Variants in DPH6 observed in about 807,000 individuals in gnomAD.
DPH6 encodes the protein diphthine--ammonia ligase.
Under a neutral mutation model 38.2 loss-of-function variants are expected in DPH6, and 33 were observed. The observed-to-expected ratio is 0.86, with a 90% CI of 0.65 to 1.15. The LOEUF (loss-of-function observed/expected upper bound fraction) is 1.15, where lower values mean the gene tolerates loss of function less well. Among genes scored for constraint, DPH6 ranks in the 50% most tolerant of loss-of-function variants. DPH6 has a pLI of 0.00. For missense variants in DPH6, 325 were observed against 320.0 expected (o/e 1.02, Z -0.12); for synonymous variants, 108 against 103.0 (o/e 1.05, Z -0.30).
At chr15:35,373,485 T>C (rs1420384907) in intron 8 of DPH6, 36 bp downstream of exon 8, 1 of 1,560,566 alleles carries the variant, frequency 6.4e-7, no homozygotes, top group Non-Finnish European at 8.7e-7. Context: ...ATCTCAAATT[T>C]CTATTGAAAT....
chr15:35,283,460 C>T (rs940303228), intron 3 of DPH6, among the ~76,000 whole-genome samples: 1 of 151,954 alleles, frequency 6.6e-6, no homozygotes. Context: ...CCATGCCCAG[C>T]TAACTTTTTG....
chr15:35,205,365 G>A, the DPH6 span, among the ~76,000 whole-genome samples: 1 of 151,902 alleles, frequency 6.6e-6, no homozygotes, highest in Non-Finnish European at 1.5e-5. Flanking sequence ...AAACACAACT[G>A]CTGTTATTTT....
At chr15:35,544,546 T>C (rs188241874) in intron 1 of DPH6, among the ~76,000 whole-genome samples, 24 of 152,286 alleles carry the variant, frequency 1.6e-4, no homozygotes, top group African/African-American at 5.5e-4. Context: ...TAGAAAGATA[T>C]GTAAGAATCC....
chr15:35,251,014 GAGA>G (rs886680325), intron 3 of DPH6, among the ~76,000 whole-genome samples: 1 of 152,132 alleles, frequency 6.6e-6, no homozygotes, highest in Non-Finnish European at 1.5e-5. Flanking sequence ...AGTCTCCCTT[GAGA>G]AGAAGGTCAT....
intron 5 of DPH6, among the ~76,000 whole-genome samples, chr15:35,447,760 C>A (rs1595373768): frequency 6.6e-6 from 1 of 151,942 alleles, no homozygotes; most frequent in African/African-American, 2.4e-5. Context: ...GTATGTGCAA[C>A]TTTAAACTCG....
intron 3 of DPH6, among the ~76,000 whole-genome samples, chr15:35,245,236 T>A (rs2051628360): frequency 9.7e-6 from 1 of 102,996 alleles, no homozygotes; most frequent in East Asian, 2.1e-4. Flanking sequence ...TTCTTGCTTT[T>A]TTTTTTTTTT....
At chr15:35,388,579 T>C (rs184357229) in intron 6 of DPH6, among the ~76,000 whole-genome samples, 1 of 152,202 alleles carries the variant, frequency 6.6e-6, no homozygotes, top group Non-Finnish European at 1.5e-5. Context: ...GAAGAGTGTA[T>C]GTGTCCAGGA....
chr15:35,256,305 G>A (rs1419317167), intron 3 of DPH6, among the ~76,000 whole-genome samples: 1 of 152,004 alleles, frequency 6.6e-6, no homozygotes, highest in South Asian at 2.1e-4. Context: ...CTCCTTTGAC[G>A]GTGACTGTTT....
chr15:35,298,937 G>T lies in DPH6; in HGVS notation n.200+74584C>A, dbSNP rs1195746881. 3.8e-6 allele frequency: 3 copies of T among 790,838 alleles called. No individual in the cohort carries two copies. The East Asian group carries it at 7.3e-5, about 19-fold the overall frequency. 49.0% of individuals were successfully genotyped at this position (790,838 alleles called of 1,614,324 possible). A position where few individuals can be genotyped will look rare whatever the true frequency, so the allele number is the denominator to read the frequency against. ...AAGTGGGTGAGGCAATGGCAGCTCC[G>T]CCCATACTTGTTTTCCTCTTCTCTC... On this transcript the variant is annotated intron_variant and non_coding_transcript_variant, in intron 3 of 3. Transcript: ENST00000560386.
Position 35,543,503 on chromosome 15 carries a change from T to G in DPH6, c.24-996A>C, listed in dbSNP as rs79275849. On this transcript the variant is annotated intron_variant, in intron 1 of 8. Transcript: ENST00000256538. The stretch of plus-strand genomic sequence containing the variant: ...CCTAATTCCCACTATCATTTATCAT[T>G]GCCTCTCTCCCTTTTACATTTCTTT... Among the ~76,000 whole-genome samples, 456 of 152,094 alleles carry G rather than the reference T, an allele frequency of 3.0e-3. 3 individuals are homozygous for G. The East Asian group carries it at 0.032, about 11-fold the overall frequency.
chr15:35,413,124 C>T (rs2053390063), intron 5 of DPH6, among the ~76,000 whole-genome samples: 1 of 151,608 alleles, frequency 6.6e-6, no homozygotes, highest in Non-Finnish European at 1.5e-5. Context: ...TCTTAATTTG[C>T]TGTGAACCTA....
the DPH6 span, among the ~76,000 whole-genome samples, chr15:35,177,600 A>AAAATCATCATC: frequency 1.0e-4 from 14 of 134,466 alleles, no homozygotes; most frequent in African/African-American, 3.9e-4. Context: ...AAAAAAAAAA[A>AAAATCATCATC]ATCATCATCA....
chr15:35,379,925 C>T (rs551986777), intron 7 of DPH6, among the ~76,000 whole-genome samples: 2 of 150,998 alleles, frequency 1.3e-5, no homozygotes, highest in Non-Finnish European at 2.9e-5. Flanking sequence ...GCAAAGTGGT[C>T]AGAAATGAGA....
intron 3 of DPH6, among the ~76,000 whole-genome samples, chr15:35,512,667 T>A (rs16961146): frequency 3.3e-5 from 5 of 151,950 alleles, no homozygotes; most frequent in African/African-American, 1.2e-4. Flanking sequence ...TGTTCCCACC[T>A]TGAGTTCACG....
intron 3 of DPH6, among the ~76,000 whole-genome samples, chr15:35,467,603 G>T (rs2054143643): frequency 6.6e-6 from 1 of 152,022 alleles, no homozygotes; most frequent in Admixed American, 6.6e-5. Context: ...AAAAAACTAA[G>T]ACACAAGCAC....
Position 35,521,374 on chromosome 15 carries a change from A to G in DPH6, c.312+16900T>C, listed in dbSNP as rs180799889. ...AATCCTATGAACCAACTTTATATAAATAGACTATATCATCTAAAGAATCTG... is the reference window on the plus strand; with the variant it reads ...AATCCTATGAACCAACTTTATATAAGTAGACTATATCATCTAAAGAATCTG... On this transcript the variant is annotated intron_variant, in intron 3 of 8. Coordinates refer to ENST00000256538, the MANE Select transcript of DPH6 (RefSeq NM_080650.4). 18 of 1,043,924 alleles carry G rather than the reference A, an allele frequency of 1.7e-5. No homozygotes were observed. In the African/African-American group the frequency reaches 2.3e-4, roughly 14 times the overall value. 64.7% of individuals were successfully genotyped at this position (1,043,924 alleles called of 1,614,324 possible). A position where few individuals can be genotyped will look rare whatever the true frequency, so the allele number is the denominator to read the frequency against.
At chr15:35,215,620 T>C (rs1046053739), downstream of DPH6, among the ~76,000 whole-genome samples, 1 of 152,170 alleles carries the variant, frequency 6.6e-6, no homozygotes, top group African/African-American at 2.4e-5. Context: ...AACTCCTGGC[T>C]TCAAGTAATC....
downstream of DPH6, among the ~76,000 whole-genome samples, chr15:35,216,380 A>G (rs1214908385): frequency 6.6e-6 from 1 of 152,212 alleles, no homozygotes; most frequent in Non-Finnish European, 1.5e-5. Context: ...TAGCTTAATT[A>G]TTCATGAATT....
Position 35,371,793 on chromosome 15 carries a change from T to C in DPH6, c.*357A>G. 2 of 1,001,526 alleles carry C rather than the reference T, an allele frequency of 2.0e-6. No individual in the cohort carries two copies. The highest frequency in any genetic ancestry group is 1.1e-4 in the East Asian group (1 of 9,256). 62.0% of individuals were successfully genotyped at this position (1,001,526 alleles called of 1,614,324 possible). The stretch of plus-strand genomic sequence containing the variant: ...CAAATGCCTCTGCATCATGACATTA[T>C]TGGTAGGGATTGGAGCAAGAAAGAG... On this transcript the variant is annotated 3_prime_UTR_variant, in exon 9 of 9. Coordinates refer to ENST00000256538, the MANE Select transcript of DPH6 (RefSeq NM_080650.4).
Sources: allele counts gnomAD v4.1 joint callset (sites outside exome capture counted in the v4.1 genomes callset), GRCh38; gene constraint gnomAD v4.1.1; transcripts MANE v1.5; gene names NCBI Gene and HGNC (gene_info 2026-07-23, HGNC 2026-07-21).